TPRG1: variants seen among roughly 807,000 people sequenced by gnomAD.
TPRG1 encodes the protein tumor protein p63 regulated 1.
Under a neutral mutation model 29.3 loss-of-function variants are expected in TPRG1, and 29 were observed. The observed-to-expected ratio is 0.99, with a 90% CI of 0.74 to 1.35. TPRG1 has a LOEUF of 1.35. TPRG1 is among the 40% of genes most tolerant of loss of function. TPRG1 has a pLI of 0.00. For synonymous variants in TPRG1, 130 were observed against 116.8 expected (o/e 1.11, Z -0.73); for missense variants, 327 against 335.0 (o/e 0.98, Z 0.19).
chr3:189,140,025 A>G (rs1020669913), intron 3 of TPRG1, among the ~76,000 whole-genome samples: 9 of 152,184 alleles, frequency 5.9e-5, no homozygotes, highest in African/African-American at 1.9e-4. Context: ...ACTTGAAATG[A>G]ACTAGCCCTG....
chr3:189,273,990 G>A (rs1229963959), intron 4 of TPRG1, among the ~76,000 whole-genome samples: 2 of 150,954 alleles, frequency 1.3e-5, no homozygotes, highest in Non-Finnish European at 2.9e-5. Context: ...TGGAAATAAT[G>A]TTGTATTTGT....
intron 4 of TPRG1, among the ~76,000 whole-genome samples, chr3:189,307,391 C>G (rs936301678): frequency 1.3e-5 from 2 of 152,190 alleles, no homozygotes; most frequent in Non-Finnish European, 2.9e-5. Flanking sequence ...TCCAGTGCTT[C>G]CTTATTTTCC....
intron 5 of TPRG1, among the ~76,000 whole-genome samples, chr3:189,313,967 T>A (rs1723093067): frequency 1.3e-5 from 2 of 152,068 alleles, no homozygotes; most frequent in Admixed American, 1.3e-4. Context: ...ATAATAGATA[T>A]AAGAGCCTAA....
chr3:189,222,780 C>A (rs1258273545), intron 3 of TPRG1, among the ~76,000 whole-genome samples: 1 of 152,194 alleles, frequency 6.6e-6, no homozygotes, highest in Non-Finnish European at 1.5e-5. Flanking sequence ...GCCTTACTTA[C>A]CATTATGAGC....
chr3:189,024,212 G>A (rs1410059906), intron 4 of TPRG1, among the ~76,000 whole-genome samples: 2 of 152,224 alleles, frequency 1.3e-5, no homozygotes, highest in African/African-American at 4.8e-5. Context: ...GGAGGCCCTG[G>A]CTGGGAGAAC....
At chr3:189,313,379 A>G (rs1194221897) in intron 5 of TPRG1, among the ~76,000 whole-genome samples, 1 of 152,166 alleles carries the variant, frequency 6.6e-6, no homozygotes, top group Non-Finnish European at 1.5e-5. Context: ...AAAACATGAG[A>G]TTTTAAAAGG....
At chr3:189,074,957 G>T (rs1480929604) in intron 4 of TPRG1, among the ~76,000 whole-genome samples, 1 of 149,298 alleles carries the variant, frequency 6.7e-6, no homozygotes, top group Admixed American at 6.7e-5. Context: ...GACTACAGGC[G>T]CCCGCCACCA....
intron 3 of TPRG1, among the ~76,000 whole-genome samples, chr3:189,143,554 C>T (rs1356982668): frequency 1.3e-5 from 2 of 152,156 alleles, no homozygotes; most frequent in Admixed American, 6.5e-5. Context: ...GTATGGTCTC[C>T]TCAACCTGGA....
chr3:189,190,081 C>A (rs1731477302), intron 1 of TPRG1, among the ~76,000 whole-genome samples: 1 of 152,162 alleles, frequency 6.6e-6, no homozygotes, highest in South Asian at 2.1e-4. Flanking sequence ...TACAATGTCA[C>A]CAATGAAGTT....
At chr3:189,019,619 C>T (rs2152124271) in intron 3 of TPRG1, among the ~76,000 whole-genome samples, 1 of 152,236 alleles carries the variant, frequency 6.6e-6, no homozygotes, top group Non-Finnish European at 1.5e-5. Flanking sequence ...TGATGTGCTG[C>T]TGGATTTGTT....
At chr3:189,119,420 A>T (rs544706143) in intron 1 of TPRG1, among the ~76,000 whole-genome samples, 2 of 152,310 alleles carry the variant, frequency 1.3e-5, no homozygotes, top group Admixed American at 6.5e-5. Flanking sequence ...GAATGACCTA[A>T]GACTTTGGGG....
At chr3:189,056,667 G>T (rs1715717860) in intron 4 of TPRG1, among the ~76,000 whole-genome samples, 2 of 152,138 alleles carry the variant, frequency 1.3e-5, no homozygotes, top group Admixed American at 6.5e-5. Context: ...CCCCATGAAA[G>T]TGCCTAGTAT....
At chr3:189,033,694 C>T (rs1714079189) in intron 4 of TPRG1, among the ~76,000 whole-genome samples, 1 of 151,908 alleles carries the variant, frequency 6.6e-6, no homozygotes, top group African/African-American at 2.4e-5. Flanking sequence ...ATTCTCCTGC[C>T]TCAGCCTTCC....
At chr3:189,013,412 A>G (rs6770888) in intron 3 of TPRG1, among the ~76,000 whole-genome samples, 1 of 152,018 alleles carries the variant, frequency 6.6e-6, no homozygotes, top group Non-Finnish European at 1.5e-5. Context: ...GTTCTTTTGC[A>G]TTTGCTGAGG....
chr3:189,067,429 G>A (rs1050038586), intron 4 of TPRG1, among the ~76,000 whole-genome samples: 3 of 152,272 alleles, frequency 2.0e-5, no homozygotes, highest in Non-Finnish European at 4.4e-5. Context: ...ATACTACAGA[G>A]CTATAGTAAC....
In TPRG1 at chr3:189,201,797, C is replaced by G. The variant is rs188006583; in HGVS notation, c.-9-5579C>G. On this transcript the variant is annotated intron_variant, in intron 1 of 5. Coordinates refer to ENST00000345063, the MANE Select transcript of TPRG1 (RefSeq NM_198485.4). ...CCCAAGTAGCTGAGATTTACAGGGG[C>G]CTGCCACCACGCCTGGCTAATTTTT... Among the ~76,000 whole-genome samples the G allele has an allele frequency of 1.3e-3, 191 of 152,100 alleles. 2 individuals are homozygous for G. Among genetic ancestry groups the G allele is most frequent in the Non-Finnish European group, 2.6e-4 (18 of 67,976 alleles).
intron 4 of TPRG1, among the ~76,000 whole-genome samples, chr3:189,041,149 C>T (rs1325716720): frequency 1.3e-5 from 2 of 152,172 alleles, no homozygotes; most frequent in Non-Finnish European, 2.9e-5. Context: ...CTAGGCTCCT[C>T]TACTTCCTCT....
At chr3:189,159,865 T>TGTGTG (rs1415903161) in intron 5 of TPRG1, among the ~76,000 whole-genome samples, 1 of 137,452 alleles carries the variant, frequency 7.3e-6, no homozygotes, top group African/African-American at 2.6e-5. Flanking sequence ...TGTGTGTGTG[T>TGTGTG]GTGGTGGTGG....
intron 3 of TPRG1, among the ~76,000 whole-genome samples, chr3:189,224,637 G>C (rs898879336): frequency 6.6e-6 from 1 of 152,222 alleles, no homozygotes; most frequent in African/African-American, 2.4e-5. Flanking sequence ...AGAAAAATAG[G>C]AATGAATGAG....
Sources: gnomAD v4.1 joint callset for allele counts (sites outside exome capture counted in the v4.1 genomes callset) on GRCh38, gnomAD v4.1.1 for gene constraint, MANE v1.5 for transcripts, NCBI Gene and HGNC (gene_info 2026-07-23, HGNC 2026-07-21) for gene names.